ACAT1: variants seen among roughly 807,000 people sequenced by gnomAD.
The protein encoded by ACAT1 is acetyl-CoA acetyltransferase 1.
In ACAT1, 28 loss-of-function variants were observed where a neutral mutation model predicts 47.3. That is an observed-to-expected ratio of 0.59 (90% CI 0.44 to 0.81). ACAT1 has a LOEUF of 0.81. ACAT1 is among the 30% of genes least tolerant of loss of function. The pLI, the probability that ACAT1 is intolerant of heterozygous loss-of-function variation, is 0.00. For synonymous variants in ACAT1, 181 were observed against 173.6 expected (o/e 1.04, Z -0.34); for missense variants, 469 against 524.3 (o/e 0.89, Z 1.03).
rs1301882627 is a variant in ACAT1, at chr11:108,121,596, C to G, written c.-11C>G. 2.1e-5 allele frequency: 33 copies of G among 1,550,530 alleles called. No individual in the cohort carries two copies. The highest frequency in any genetic ancestry group is 2.9e-5 in the Non-Finnish European group (33 of 1,146,976). ...TACGCCTGTGGAGCCGATACTCAGC[C>G]CTCTGCGACCATGGCTGTGCTGGCG... On this transcript the variant is annotated 5_prime_UTR_variant, in exon 1 of 12. Coordinates refer to ENST00000265838, the MANE Select transcript of ACAT1 (RefSeq NM_000019.4).
rs1273074381 is a variant in ACAT1 at position 108,133,853 on chromosome 11, A to G, written c.154A>G (p.Ile52Val). 9 of 1,613,998 alleles carry G rather than the reference A, an allele frequency of 5.6e-6. No homozygotes were observed. Among genetic ancestry groups the G allele is most frequent in the Non-Finnish European group, 6.8e-6 (8 of 1,180,024 alleles). ...VVIVSATRTP[I>V]GSFLGSLSLL... ...CATAGTAAGTGCTACAAGAACACCC[A>G]TTGGATCTTTTTTAGGCAGCCTTTC... Residue 52 changes from isoleucine to valine, a missense_variant, in exon 3 of 12, where the codon ATT becomes GTT. By Grantham distance (29) the Ile-to-Val change is conservative. Transcript: ENST00000265838.
rs1565299071 is a variant in ACAT1 at position 108,147,463 on chromosome 11, G to A, written c.*73G>A. 7.0e-6 allele frequency: 11 copies of A among 1,578,462 alleles called. No individual in the cohort carries two copies. The highest frequency in any genetic ancestry group is 9.5e-6 in the Non-Finnish European group (11 of 1,153,036). On this transcript the variant is annotated 3_prime_UTR_variant, in exon 12 of 12. Transcript: ENST00000265838. Reference sequence around the variant, plus strand: ...GCTGTAATCAGTGTGACTACTGTGGGTCAGCTTATATTCAGATAAGCTGTT... The same window carrying A: ...GCTGTAATCAGTGTGACTACTGTGGATCAGCTTATATTCAGATAAGCTGTT...
In ACAT1 at chr11:108,121,631, C is replaced by A; in HGVS notation, c.25C>A (p.Arg9Ser). 1 of 1,550,766 alleles carries A rather than the reference C, an allele frequency of 6.4e-7. No individual in the cohort carries two copies. Among genetic ancestry groups the A allele is most frequent in the Non-Finnish European group, 8.7e-7 (1 of 1,147,608 alleles). MAVLAALL[R>S]SGARSRSPLL... ...CATGGCTGTGCTGGCGGCACTTCTG[C>A]GCAGCGGCGCCCGCAGCCGCAGCCC... The change falls in exon 1 of 12, where the codon CGC becomes AGC. Residue 9 changes from arginine (R) to serine (S), a missense_variant. Physicochemically the swap from Arg to Ser is moderately radical, Grantham distance 110. Transcript: ENST00000265838.
chr11:108,132,865 A>AG (rs1272418275), intron 2 of ACAT1, among the ~76,000 whole-genome samples: 1 of 146,426 alleles, frequency 6.8e-6, no homozygotes, highest in African/African-American at 2.6e-5. Flanking sequence ...AAAAAAAAAA[A>AG]AAAAAAAAAA....
In ACAT1 at chr11:108,127,299, C is replaced by G. The variant is rs11212517; in HGVS notation, c.73-4608C>G. On this transcript the variant is annotated intron_variant, in intron 1 of 11. Transcript: ENST00000265838. Reference sequence around the variant, plus strand: ...TTTTTTTTTGAGACAGAGTCTCACTCTGTCACCCAGGCTGGAGTGCAGTGG... The same window carrying G: ...TTTTTTTTTGAGACAGAGTCTCACTGTGTCACCCAGGCTGGAGTGCAGTGG... 6.1e-3 allele frequency among the ~76,000 whole-genome samples: 918 copies of G among 149,394 alleles called. 6 individuals are homozygous for G. Among genetic ancestry groups the G allele is most frequent in the East Asian group, 9.3e-3 (47 of 5,062 alleles).
chr11:108,127,550 G>A (rs2077274551), intron 1 of ACAT1, among the ~76,000 whole-genome samples: 1 of 152,304 alleles, frequency 6.6e-6, no homozygotes, highest in Non-Finnish European at 1.5e-5. Flanking sequence ...TTACAGGCGT[G>A]AGCCACTGTG....
chr11:108,138,832 T>A (rs1326583479), intron 5 of ACAT1, 66 bp from the exon 6 acceptor site: 26 of 1,569,536 alleles, frequency 1.7e-5, no homozygotes, highest in African/African-American at 2.7e-5. Flanking sequence ...GGTAGCTGTA[T>A]AAAGGGTGTC....
intron 9 of ACAT1, 43 bp downstream of exon 9, chr11:108,142,593 T>G: frequency 6.6e-7 from 1 of 1,508,866 alleles, no homozygotes; most frequent in East Asian, 2.3e-5. Flanking sequence ...TCCCAGCACT[T>G]TCGGAGGTTG....
intron 2 of ACAT1, 32 bp from the exon 3 acceptor site, chr11:108,133,788 C>A: frequency 6.6e-7 from 1 of 1,516,142 alleles, no homozygotes; most frequent in African/African-American, 1.4e-5. Flanking sequence ...GGGTAAAATA[C>A]CTATAATTTT....
chr11:108,117,330 CAG>C (rs1227827451), upstream of ACAT1, among the ~76,000 whole-genome samples: 1 of 145,784 alleles, frequency 6.9e-6, no homozygotes, highest in African/African-American at 2.6e-5. Flanking sequence ...TTTTTGGAGA[CAG>C]AGTTTTGCTC....
chr11:108,140,293 C>T, intron 7 of ACAT1, 78 bp downstream of exon 7: 1 of 1,552,560 alleles, frequency 6.4e-7, no homozygotes, highest in Non-Finnish European at 8.9e-7. Flanking sequence ...TAAATTAGGA[C>T]ATTATCTTGG....
chr11:108,121,006 G>C (rs564320702), upstream of ACAT1, among the ~76,000 whole-genome samples: 4 of 152,152 alleles, frequency 2.6e-5, no homozygotes, highest in Non-Finnish European at 5.9e-5. Flanking sequence ...TTCAAGACCA[G>C]TCTGGCCAAC....
chr11:108,134,677 A>C (rs150344808), intron 4 of ACAT1, among the ~76,000 whole-genome samples: 1 of 131,950 alleles, frequency 7.6e-6, no homozygotes, highest in African/African-American at 2.9e-5. Flanking sequence ...TGGGCATGGT[A>C]GCTCACGCCT....
intron 1 of ACAT1, among the ~76,000 whole-genome samples, chr11:108,122,542 G>A (rs1194423630): frequency 2.6e-5 from 4 of 152,324 alleles, no homozygotes; most frequent in Non-Finnish European, 4.4e-5. Flanking sequence ...TTGTTGCAAT[G>A]GTAGGTCACT....
At chr11:108,122,745 G>T (rs1224705792) in intron 1 of ACAT1, among the ~76,000 whole-genome samples, 1 of 152,194 alleles carries the variant, frequency 6.6e-6, no homozygotes, top group Non-Finnish European at 1.5e-5. Flanking sequence ...CAAGGCGTAG[G>T]TTTCCAGGGA....
chr11:108,145,937 C>G (rs1256320148), intron 10 of ACAT1, among the ~76,000 whole-genome samples: 1 of 151,956 alleles, frequency 6.6e-6, no homozygotes, highest in Non-Finnish European at 1.5e-5. Context: ...ATCCCAGCTA[C>G]TCAGGAGGCT....
chr11:108,138,152 C>A (rs1211371577), intron 5 of ACAT1, among the ~76,000 whole-genome samples: 1 of 114 alleles, frequency 8.8e-3, no homozygotes, highest in Non-Finnish European at 0.014. Flanking sequence ...CCAAACCCGG[C>A]TAATTTTTGT....
In ACAT1 at chr11:108,139,574, AAG is replaced by A. The variant is rs1319279987; in HGVS notation, c.580-488_580-487del. 2.0e-5 allele frequency among the ~76,000 whole-genome samples: 3 copies of A among 151,946 alleles called. No individual in the cohort carries two copies. In the East Asian group the frequency reaches 5.8e-4, roughly 29 times the overall value. ...ACCACTGCACTCCAGCCTGGGTGAC[AAG>A]AGTCAAACTCCGTCTCAAAAAAAGA... On this transcript the variant is annotated intron_variant, in intron 6 of 11. Coordinates refer to ENST00000265838, the MANE Select transcript of ACAT1 (RefSeq NM_000019.4).
At chr11:108,135,659 C>T (rs982644642) in intron 5 of ACAT1, among the ~76,000 whole-genome samples, 3 of 152,062 alleles carry the variant, frequency 2.0e-5, no homozygotes, top group African/African-American at 7.2e-5. Flanking sequence ...GAAACCCCGT[C>T]TCTACTAAAA....
Sources: gnomAD v4.1 joint callset for allele counts (sites outside exome capture counted in the v4.1 genomes callset) on GRCh38, gnomAD v4.1.1 for gene constraint, MANE v1.5 for transcripts, NCBI Gene and HGNC (gene_info 2026-07-23, HGNC 2026-07-21) for gene names.